The following SEL1L3 variants were observed in gnomAD, a reference collection of about 807,000 sequenced individuals.
The protein encoded by SEL1L3 is SEL1L family member 3.
Under a neutral mutation model 142.8 loss-of-function variants are expected in SEL1L3, and 76 were observed. The ratio of observed to expected loss-of-function variants is 0.53; its 90% CI spans 0.44 to 0.64. The LOEUF is 0.64. Among genes scored for constraint, SEL1L3 ranks in the 30% least tolerant of loss-of-function variants. SEL1L3 has a pLI of 0.00. For synonymous variants in SEL1L3, 504 were observed against 519.6 expected, an observed-to-expected ratio of 0.97 and a Z score of 0.41; for missense variants, 1,262 against 1,381.7, an observed-to-expected ratio of 0.91 and a Z score of 1.37.
chr4:25,767,665 A>T, intron 18 of SEL1L3, 56 bp from the exon 19 acceptor site: 1 of 1,477,582 alleles, frequency 6.8e-7, no homozygotes, highest in Non-Finnish European at 9.3e-7. Flanking sequence ...CAAGTGACCA[A>T]CGTTGCCTCC....
chr4:25,778,760 TAG>T (rs1719806476), intron 16 of SEL1L3, among the ~76,000 whole-genome samples: 1 of 151,742 alleles, frequency 6.6e-6, no homozygotes, highest in African/African-American at 2.4e-5. Flanking sequence ...TATTTAGAAA[TAG>T]AGACAAATAA....
At chr4:25,725,986 C>G in the SEL1L3 span, among the ~76,000 whole-genome samples, 1 of 152,074 alleles carries the variant, frequency 6.6e-6, no homozygotes. Context: ...CTTGTGACCT[C>G]CTATCTCATC....
In SEL1L3 at chr4:25,818,170, A is replaced by G. The variant is rs368676129; in HGVS notation, c.1532T>C (p.Phe511Ser). ...KELKDKHPSL[F>S]QALLEMDLLT... The stretch of plus-strand genomic sequence containing the variant: ...CAGATCCATCTCCAGCAATGCCTGG[A>G]ACAAGCTGGGGTGTTTGTCTTTCAG... Residue 511 changes from phenylalanine to serine, a missense_variant, in exon 9 of 24, where the codon TTC becomes TCC. Physicochemically the swap from Phe to Ser is radical, Grantham distance 155. This residue lies in a region of SEL1L3 where 689 missense variants were observed against 692.8 expected (regional missense o/e 0.99). Transcript: ENST00000399878. 70 of 1,611,416 alleles carry G rather than the reference A, an allele frequency of 4.3e-5. No individual in the cohort carries two copies. In the East Asian group the frequency reaches 1.1e-3, roughly 25 times the overall value.
intron 9 of SEL1L3, 121 bp from the exon 10 acceptor site, chr4:25,804,873 C>A: frequency 1.4e-6 from 1 of 709,172 alleles, no homozygotes; most frequent in African/African-American, 1.8e-5. Flanking sequence ...CCTGCAGTGC[C>A]TCAAAATATA....
intron 11 of SEL1L3, among the ~76,000 whole-genome samples, chr4:25,795,245 G>A (rs1293777080): frequency 6.6e-6 from 1 of 152,152 alleles, no homozygotes; most frequent in East Asian, 1.9e-4. Context: ...GTTTGTGAAA[G>A]AGCTTAGCAA....
At chr4:25,716,648 TC>T in the SEL1L3 span, among the ~76,000 whole-genome samples, 2 of 152,174 alleles carry the variant, frequency 1.3e-5, no homozygotes, top group African/African-American at 2.4e-5. Context: ...ATATTCCTAT[TC>T]CAAGATTCCT....
intron 14 of SEL1L3, among the ~76,000 whole-genome samples, 190 bp from the exon 15 acceptor site, chr4:25,782,608 G>T (rs1035288722): frequency 6.6e-6 from 1 of 152,180 alleles, no homozygotes; most frequent in Non-Finnish European, 1.5e-5. Context: ...CTTCCCAGGT[G>T]TGTTTCACCC....
chr4:25,860,962 C>G (rs1717664175), intron 1 of SEL1L3, among the ~76,000 whole-genome samples: 2 of 152,210 alleles, frequency 1.3e-5, no homozygotes, highest in South Asian at 4.1e-4. Context: ...CATTATCTGT[C>G]TCTGTTTCCA....
intron 2 of SEL1L3, among the ~76,000 whole-genome samples, chr4:25,843,172 C>T (rs553026123): frequency 2.0e-5 from 3 of 151,364 alleles, no homozygotes; most frequent in Non-Finnish European, 4.4e-5. Flanking sequence ...CAGATTCCCA[C>T]AGAGTAAGGG....
downstream of SEL1L3, among the ~76,000 whole-genome samples, chr4:25,744,186 T>C (rs1430503531): frequency 1.3e-5 from 2 of 152,112 alleles, no homozygotes; most frequent in East Asian, 3.8e-4. Flanking sequence ...CAGCCTCCCA[T>C]GGTGTAAGGG....
At chr4:25,739,239 A>C in the SEL1L3 span, among the ~76,000 whole-genome samples, 1 of 151,976 alleles carries the variant, frequency 6.6e-6, no homozygotes, top group South Asian at 2.1e-4. Flanking sequence ...ACAACAACAA[A>C]AAAACAATGT....
the SEL1L3 span, among the ~76,000 whole-genome samples, chr4:25,725,366 AG>A: frequency 7.0e-6 from 1 of 143,606 alleles, no homozygotes; most frequent in South Asian, 2.2e-4. Context: ...CCCAGGCTGG[AG>A]TACAGTGGCA....
the SEL1L3 span, among the ~76,000 whole-genome samples, chr4:25,724,827 T>C: frequency 6.7e-6 from 1 of 148,344 alleles, no homozygotes; most frequent in South Asian, 2.2e-4. Context: ...CTGGTAGTTA[T>C]AACAGTAAAC....
intron 11 of SEL1L3, among the ~76,000 whole-genome samples, chr4:25,799,062 C>T (rs1712994369): frequency 6.6e-6 from 1 of 151,944 alleles, no homozygotes; most frequent in Admixed American, 6.5e-5. Context: ...TCTGTGTTGC[C>T]TGTGTCCTAC....
chr4:25,833,456 G>T lies in SEL1L3; in HGVS notation c.974C>A (p.Thr325Lys). 1 of 1,611,042 alleles carries T rather than the reference G, an allele frequency of 6.2e-7. No individual in the cohort carries two copies. Among genetic ancestry groups the T allele is most frequent in the South Asian group, 1.1e-5 (1 of 90,442 alleles). ...TTCTGTTTTATACTCACCCTCTTCC[G>T]TAAGAAATACAGAAGGTGTGCCGTA... ...EMYGTPSVFL[T>K]EEGYLHIQMH... The change falls in exon 4 of 24, where the codon ACG (threonine) becomes AAG (lysine). Residue 325 changes from threonine to lysine, a missense_variant. Coordinates refer to ENST00000399878, the MANE Select transcript of SEL1L3 (RefSeq NM_015187.5).
intron 1 of SEL1L3, among the ~76,000 whole-genome samples, chr4:25,857,464 A>T (rs547061248): frequency 3.3e-5 from 5 of 152,278 alleles, no homozygotes; most frequent in Non-Finnish European, 5.9e-5. Flanking sequence ...GAGCACTGGG[A>T]TGGGTGTGTT....
At chr4:25,857,003 G>T (rs559864008) in intron 1 of SEL1L3, among the ~76,000 whole-genome samples, 276 of 152,244 alleles carry the variant, frequency 1.8e-3, no homozygotes, top group Admixed American at 3.0e-3. Flanking sequence ...AACAATAACT[G>T]TTTTTCTCAT....
Position 25,822,186 on chromosome 4 carries a change from A to G in SEL1L3, c.1158-58T>C. 1.9e-6 allele frequency: 3 copies of G among 1,605,234 alleles called. No homozygotes were observed. In the Admixed American group the frequency reaches 5.1e-5, roughly 27 times the overall value. On this transcript the variant is annotated intron_variant, in intron 6 of 23. Transcript: ENST00000399878. ...CATGCCGGAACTAGATGATTTAAAA[A>G]CAGTCTCTTTCCTAGACCCTCCTTG...
At chr4:25,750,234 CAAA>C (rs10718046) in intron 23 of SEL1L3, among the ~76,000 whole-genome samples, 5 of 105,082 alleles carry the variant, frequency 4.8e-5, no homozygotes, top group Non-Finnish European at 7.8e-5. Context: ...GACTCCATCT[CAAA>C]AAAAAAAAAA....
Sources: allele counts gnomAD v4.1 joint callset (sites outside exome capture counted in the v4.1 genomes callset), GRCh38; gene constraint gnomAD v4.1.1; regional missense constraint gnomAD v4.1.1; transcripts MANE v1.5; gene names NCBI Gene and HGNC (gene_info 2026-07-23, HGNC 2026-07-21).